TENT4B: variants seen among roughly 807,000 people sequenced by gnomAD.
The protein encoded by TENT4B is PAP associated domain containing 5.
In TENT4B, 10 loss-of-function variants were observed where a neutral mutation model predicts 75.0. That is an observed-to-expected ratio of 0.13 (90% CI 0.08 to 0.23). The LOEUF (loss-of-function observed/expected upper bound fraction) is 0.23, where lower values mean the gene tolerates loss of function less well. Ranked by LOEUF, TENT4B falls within the 10% of genes least tolerant of loss-of-function variation. The pLI is 1.00. For synonymous variants in TENT4B, 350 were observed against 357.7 expected (o/e 0.98, Z 0.24); for missense variants, 579 against 893.8 (o/e 0.65, Z 4.49).
At chr16:50,181,497 G>C (rs906556622) in intron 1 of TENT4B, among the ~76,000 whole-genome samples, 3 of 142,428 alleles carry the variant, frequency 2.1e-5, no homozygotes, top group Admixed American at 7.2e-5. Flanking sequence ...TAGAGACAGA[G>C]TTTCACCATG....
intron 1 of TENT4B, among the ~76,000 whole-genome samples, chr16:50,201,748 C>G (rs993311972): frequency 1.1e-4 from 17 of 150,584 alleles, no homozygotes; most frequent in African/African-American, 3.9e-4. Flanking sequence ...GAGGCTGAGA[C>G]ATGAGAATCA....
At chr16:50,191,739 G>A (rs927292590) in intron 1 of TENT4B, among the ~76,000 whole-genome samples, 3 of 152,092 alleles carry the variant, frequency 2.0e-5, no homozygotes, top group East Asian at 1.9e-4. Context: ...GACCAACATG[G>A]AGAAACCCTG....
At chr16:50,201,564 T>C (rs1039943315) in intron 1 of TENT4B, among the ~76,000 whole-genome samples, 7 of 151,680 alleles carry the variant, frequency 4.6e-5, no homozygotes, top group Admixed American at 3.9e-4. Context: ...CAGCAGTGGC[T>C]GGCTGAGGTG....
At chr16:50,226,471 G>A (rs112160849) in intron 10 of TENT4B, among the ~76,000 whole-genome samples, 3,452 of 151,708 alleles carry the variant, frequency 0.023, 51 homozygotes, top group South Asian at 0.05. Context: ...TCGCTCTGTC[G>A]CCCAGGCTGG....
At position 50,233,848 on chromosome 16, in the gene TENT4B, C is replaced by T. The variant is rs1362929549; in HGVS notation, c.*4520C>T. On this transcript the variant is annotated 3_prime_UTR_variant, in exon 12 of 12. Coordinates refer to ENST00000561678, the MANE Select transcript of TENT4B (RefSeq NM_001365324.3). ...TGGTTATTACACATTTGTGGTAGCT[C>T]CTGGATTTACTGAGAGATATTTTAG... is the stretch of plus-strand genomic sequence containing the variant. The T allele has an allele frequency of 2.8e-5, 28 of 985,202 alleles. No individual in the cohort carries two copies. Among genetic ancestry groups the T allele is most frequent in the Non-Finnish European group, 3.4e-5 (28 of 829,912 alleles). 61.0% of individuals were successfully genotyped at this position (985,202 alleles called of 1,614,324 possible). A position where few individuals can be genotyped will look rare whatever the true frequency, so the allele number is the denominator to read the frequency against.
Position 50,154,006 on chromosome 16 carries a change from G to GCGTCCTCGC in TENT4B, c.387_395dup (p.Ser130_Pro132dup). 1 of 1,533,776 alleles carries GCGTCCTCGC rather than the reference G, an allele frequency of 6.5e-7. No individual in the cohort carries two copies. The highest frequency in any genetic ancestry group is 8.7e-7 in the Non-Finnish European group (1 of 1,145,884). On this transcript the variant is annotated inframe_insertion, in exon 1 of 12. Coordinates refer to ENST00000561678, the MANE Select transcript of TENT4B (RefSeq NM_001365324.3). Reference sequence around the variant, plus strand: ...CTGGGCCCGCCGGGCGGGCTCCTCGGCGTCCTCGCCTCCCTCGGCGTCCTC... The same window carrying GCGTCCTCGC: ...CTGGGCCCGCCGGGCGGGCTCCTCGGCGTCCTCGCCGTCCTCGCCTCCCTCGGCGTCCTC...
In TENT4B at chr16:50,214,788, A is replaced by G. The variant is rs185262264; in HGVS notation, c.809+521A>G. ...GAGATGGAAAAGGGATCATGTTGCA[A>G]TGGAATCAATTAGTTACTAATTTTA... is the stretch of plus-strand genomic sequence containing the variant. On this transcript the variant is annotated intron_variant, in intron 3 of 11. Transcript: ENST00000561678. Among the ~76,000 whole-genome samples the G allele has an allele frequency of 1.5e-3, 229 of 152,358 alleles. 1 individual carries two copies. Among genetic ancestry groups the G allele is most frequent in the Non-Finnish European group, 2.7e-3 (187 of 68,030 alleles).
intron 5 of TENT4B, among the ~76,000 whole-genome samples, chr16:50,220,683 C>A (rs1420891393): frequency 6.6e-6 from 1 of 151,986 alleles, no homozygotes; most frequent in Non-Finnish European, 1.5e-5. Context: ...TGTGTGCCAC[C>A]ACGCTGGGCT....
chr16:50,214,106 C>T (rs1426822649), intron 2 of TENT4B, 115 bp from the exon 3 acceptor site: 4 of 753,152 alleles, frequency 5.3e-6, no homozygotes, highest in Non-Finnish European at 8.8e-6. Context: ...TCTTGTCATA[C>T]CAAAAAGTAC....
chr16:50,234,802 G>A lies in TENT4B; in HGVS notation c.*5474G>A. 1.0e-6 allele frequency: 1 copy of A among 985,556 alleles called. No homozygotes were observed. Among genetic ancestry groups the A allele is most frequent in the East Asian group, 1.1e-4 (1 of 8,822 alleles). The allele number at this position is 985,556 out of a possible 1,614,324, so 61.1% of individuals were successfully genotyped here. A position where few individuals can be genotyped will look rare whatever the true frequency, so the allele number is the denominator to read the frequency against. Reference sequence around the variant, plus strand: ...GACCAGTGTAGTTTCTGGATATAAAGTGTGAAGGACTGTTGAGTTAAACAT... The same window carrying A: ...GACCAGTGTAGTTTCTGGATATAAAATGTGAAGGACTGTTGAGTTAAACAT... On this transcript the variant is annotated 3_prime_UTR_variant, in exon 12 of 12. Transcript: ENST00000561678.
At chr16:50,184,720 T>A (rs913484800) in intron 1 of TENT4B, among the ~76,000 whole-genome samples, 105 of 151,776 alleles carry the variant, frequency 6.9e-4, no homozygotes, top group African/African-American at 2.3e-3. Context: ...GGTTTTTTTT[T>A]ATTTTGTTTT....
At chr16:50,176,024 C>T (rs1222444411) in intron 1 of TENT4B, among the ~76,000 whole-genome samples, 1 of 152,054 alleles carries the variant, frequency 6.6e-6, no homozygotes, top group Non-Finnish European at 1.5e-5. Context: ...CTGAAATGCC[C>T]CTCCTACCTT....
intron 1 of TENT4B, among the ~76,000 whole-genome samples, chr16:50,188,014 C>A (rs567750010): frequency 6.6e-6 from 1 of 152,180 alleles, no homozygotes; most frequent in South Asian, 2.1e-4. Flanking sequence ...AGCAGTTCCT[C>A]TCACCTTGGC....
At chr16:50,212,154 G>A (rs944339078) in intron 2 of TENT4B, among the ~76,000 whole-genome samples, 1 of 152,090 alleles carries the variant, frequency 6.6e-6, no homozygotes, top group South Asian at 2.1e-4. Context: ...TCGATTTCCT[G>A]GGCTCAGGTG....
intron 5 of TENT4B, among the ~76,000 whole-genome samples, chr16:50,218,224 A>C (rs1262781564): frequency 6.6e-6 from 1 of 152,102 alleles, no homozygotes; most frequent in Non-Finnish European, 1.5e-5. Context: ...ATGGAATTCT[A>C]CTACACAGTT....
chr16:50,159,202 C>T (rs1160407221), intron 1 of TENT4B, among the ~76,000 whole-genome samples: 1 of 150,100 alleles, frequency 6.7e-6, no homozygotes, highest in Non-Finnish European at 1.5e-5. Flanking sequence ...GCTTCTCTTT[C>T]TCTCTCTCTC....
chr16:50,228,170 T>C (rs555590099), intron 11 of TENT4B, among the ~76,000 whole-genome samples, 167 bp downstream of exon 11: 9 of 152,334 alleles, frequency 5.9e-5, no homozygotes, highest in African/African-American at 1.9e-4. Flanking sequence ...AGGAACAGGA[T>C]GTCCTAAGGA....
intron 1 of TENT4B, among the ~76,000 whole-genome samples, chr16:50,186,160 TTCA>T: frequency 6.6e-6 from 1 of 152,116 alleles, no homozygotes; most frequent in Non-Finnish European, 1.5e-5. Context: ...GCCAGAACTT[TTCA>T]TCATCCTAAA....
In TENT4B at chr16:50,165,699, G is replaced by A. The variant is rs2038086878; in HGVS notation, c.638+11440G>A. Among the ~76,000 whole-genome samples the A allele has an allele frequency of 2.6e-5, 4 of 152,218 alleles. No individual in the cohort carries two copies. In the South Asian group the frequency reaches 6.2e-4, roughly 24 times the overall value. ...TAACAGTTTGTGGCCTTTTGTGCTT[G>A]GCTTCTCAAACTTATCTGTTTCCAA... On this transcript the variant is annotated intron_variant, in intron 1 of 11. Coordinates refer to ENST00000561678, the MANE Select transcript of TENT4B (RefSeq NM_001365324.3).
Sources: gnomAD v4.1 joint callset for allele counts (sites outside exome capture counted in the v4.1 genomes callset) on GRCh38, gnomAD v4.1.1 for gene constraint, MANE v1.5 for transcripts, NCBI Gene and HGNC (gene_info 2026-07-23, HGNC 2026-07-21) for gene names.